NOLC1: variants seen among roughly 807,000 people sequenced by gnomAD.
NOLC1 encodes 140 kDa nucleolar phosphoprotein.
NOLC1 carries 37 observed loss-of-function variants against 73.4 expected under a neutral mutation model. That is an observed-to-expected ratio of 0.50 (90% CI 0.39 to 0.66). NOLC1 has a LOEUF of 0.66. Ranked by LOEUF, NOLC1 falls within the 30% of genes least tolerant of loss-of-function variation. The pLI, the probability that NOLC1 is intolerant of heterozygous loss-of-function variation, is 0.00. For missense variants in NOLC1, 921 were observed against 838.9 expected (o/e 1.10, Z -1.21); for synonymous variants, 327 against 302.6 (o/e 1.08, Z -0.84).
chr10:102,159,436 G>A lies in NOLC1; in HGVS notation c.727G>A (p.Val243Ile), dbSNP rs1460337282. 3.7e-6 allele frequency: 6 copies of A among 1,614,016 alleles called. No individual in the cohort carries two copies. The South Asian group carries it at 5.5e-5, about 15-fold the overall frequency. The stretch of plus-strand genomic sequence containing the variant: ...ATCAATTTTCTTTCTAATGCAGACT[G>A]TACCTAAAAAGCAAGTTGTGGCCAA... ...EKAAATPKKT[V>I]PKKQVVAKAP... Residue 243 changes from valine (V) to isoleucine (I), a missense_variant, in exon 7 of 13, where the codon GTA (valine) becomes ATA (isoleucine). Physicochemically the swap from Val to Ile is conservative, Grantham distance 29. Transcript: ENST00000605788.
chr10:102,157,350 G>T (rs372786430), intron 3 of NOLC1, 22 bp downstream of exon 3: 6 of 1,613,334 alleles, frequency 3.7e-6, no homozygotes, highest in Non-Finnish European at 5.1e-6. Context: ...TAGCAGGTGG[G>T]CTTGGTGGTG....
intron 6 of NOLC1, 31 bp from the exon 7 acceptor site, chr10:102,159,402 C>A: frequency 1.2e-6 from 2 of 1,613,874 alleles, no homozygotes; most frequent in Non-Finnish European, 1.7e-6. Flanking sequence ...TCAGCATTTT[C>A]CTGTGGTAAT....
At chr10:102,160,378 G>C in intron 9 of NOLC1, 35 bp downstream of exon 9, 1 of 1,613,082 alleles carries the variant, frequency 6.2e-7, no homozygotes, top group Non-Finnish European at 8.5e-7. Context: ...TCAGTGAGAT[G>C]CTCTCAGGCA....
rs373288971 is a variant in NOLC1 at position 102,157,451 on chromosome 10, G to T, written c.337G>T (p.Gly113Cys). ...KKAAVPAKRV[G>C]LPPGKAAAKA... ...TTCAGCTGTACCTGCCAAGCGAGTC[G>T]GTCTGCCTCCTGGGAAGGCTGCAGC... is the stretch of plus-strand genomic sequence containing the variant. Residue 113 changes from glycine to cysteine, a missense_variant, in exon 4 of 13, where the codon GGT (glycine) becomes TGT (cysteine). Physicochemically the swap from Gly to Cys is radical, Grantham distance 159. Transcript: ENST00000605788. 6 of 1,613,996 alleles carry T rather than the reference G, an allele frequency of 3.7e-6. No individual in the cohort carries two copies. Among genetic ancestry groups the T allele is most frequent in the East Asian group, 2.2e-5 (1 of 44,898 alleles).
chr10:102,161,557 T>C lies in NOLC1; in HGVS notation c.1743T>C (p.Gly581=). ...TGAGTCTGGCTTTTTGTTTTGTAGGTTCATTAAAGAAGCGGAAGCAGAATG... is the reference window on the plus strand; with the variant it reads ...TGAGTCTGGCTTTTTGTTTTGTAGGCTCATTAAAGAAGCGGAAGCAGAATG... ...KKAAVVVSKS[G]SLKKRKQNEA... is the part of the protein sequence containing the mutation. The change falls in exon 11 of 13, where the codon GGT becomes GGC. Residue 581 remains glycine (G), a splice_region_variant and synonymous_variant. Transcript: ENST00000605788. The C allele has an allele frequency of 6.2e-7, 1 of 1,612,758 alleles. No homozygotes were observed. The highest frequency in any genetic ancestry group is 8.5e-7 in the Non-Finnish European group (1 of 1,179,020).
In NOLC1 at chr10:102,157,285, C is replaced by T. The variant is rs147276029; in HGVS notation, c.273C>T (p.Ser91=). The change falls in exon 3 of 13, where the codon AGC becomes AGT. Residue 91 remains serine, a synonymous_variant. Transcript: ENST00000605788. ...KASSSDSEDS[S]EEEEEVQGPP... ...CATCCAGTGACAGTGAGGACAGCAG[C>T]GAGGAGGAGGAGGAAGTTCAAGGGC... The T allele has an allele frequency of 3.4e-4, 542 of 1,613,964 alleles. 2 individuals are homozygous for T. The African/African-American group carries it at 5.9e-3, about 18-fold the overall frequency.
At chr10:102,160,187 T>G (rs765328809) in intron 8 of NOLC1, 46 bp from the exon 9 acceptor site, 4 of 1,599,838 alleles carry the variant, frequency 2.5e-6, no homozygotes, top group Non-Finnish European at 3.4e-6. Context: ...CTGTCCTGGT[T>G]GGGTTGGGAC....
intron 9 of NOLC1, 26 bp from the exon 10 acceptor site, chr10:102,160,426 G>A (rs911362329): frequency 3.1e-6 from 5 of 1,612,206 alleles, no homozygotes; most frequent in East Asian, 2.2e-5. Context: ...TTGGGGAGCT[G>A]TTGATTCCAT....
chr10:102,160,081 A>C, intron 8 of NOLC1, 57 bp downstream of exon 8: 1 of 1,596,826 alleles, frequency 6.3e-7, no homozygotes, highest in South Asian at 1.1e-5. Flanking sequence ...GGGATGAGGA[A>C]TAAGGGAGAG....
intron 1 of NOLC1, among the ~76,000 whole-genome samples, chr10:102,153,339 A>G (rs1055252858): frequency 6.6e-6 from 1 of 152,234 alleles, no homozygotes; most frequent in Non-Finnish European, 1.5e-5. Flanking sequence ...GGATGCTCCA[A>G]ACACATGTAA....
Position 102,160,288 on chromosome 10 carries a change from A to C in NOLC1, c.1044A>C (p.Ala348=), listed in dbSNP as rs1306875708. 6.2e-7 allele frequency: 1 copy of C among 1,614,242 alleles called. No homozygotes were observed. Among genetic ancestry groups the C allele is most frequent in the East Asian group, 2.2e-5 (1 of 44,892 alleles). The change falls in exon 9 of 13, where the codon GCA becomes GCC. Residue 348 remains alanine, a synonymous_variant. Coordinates refer to ENST00000605788, the MANE Select transcript of NOLC1 (RefSeq NM_004741.5). ...KPPTKAVVSK[A]TTKPPPAKKA... ...CAACTAAGGCAGTAGTCTCTAAAGC[A>C]ACCACTAAACCACCTCCAGCAAAGA...
rs774328795 is a variant in NOLC1 at position 102,162,415 on chromosome 10, C to T, written c.*146C>T. 1 of 692,338 alleles carries T rather than the reference C, an allele frequency of 1.4e-6. No homozygotes were observed. Among genetic ancestry groups the T allele is most frequent in the Non-Finnish European group, 2.3e-6 (1 of 436,808 alleles). 42.9% of individuals were successfully genotyped at this position (692,338 alleles called of 1,614,324 possible). On this transcript the variant is annotated 3_prime_UTR_variant, in exon 13 of 13. Transcript: ENST00000605788. ...GTCCTAAGACTTTACAGTGTAACAT[C>T]CTCTCTGGTCCTTTTCTGTGTTCCT...
chr10:102,155,800 C>T (rs1269762300), intron 1 of NOLC1, among the ~76,000 whole-genome samples: 1 of 151,932 alleles, frequency 6.6e-6, no homozygotes, highest in Non-Finnish European at 1.5e-5. Flanking sequence ...CCTGAGCCAC[C>T]GTGCCTGGCC....
rs571944483 is a variant in NOLC1, at chr10:102,163,432, T to C, written c.*1163T>C. The C allele has an allele frequency of 1.3e-5, 2 of 152,324 alleles. No individual in the cohort carries two copies. The highest frequency in any genetic ancestry group is 4.1e-4 in the South Asian group (2 of 4,830). 9.4% of individuals were successfully genotyped at this position (152,324 alleles called of 1,614,324 possible). ...TAGGATTATTGTGTCTCCTAGTTGG[T>C]ACCTGGGAGCAATTGACATGCCCCC... is the stretch of plus-strand genomic sequence containing the variant. On this transcript the variant is annotated 3_prime_UTR_variant, in exon 13 of 13. Coordinates refer to ENST00000605788, the MANE Select transcript of NOLC1 (RefSeq NM_004741.5).
In NOLC1 at chr10:102,157,442, A is replaced by G; in HGVS notation, c.328A>G (p.Lys110Glu). Residue 110 changes from lysine (K) to glutamate (E), a missense_variant, in exon 4 of 13, where the codon AAG becomes GAG. Lys to Glu is a moderately conservative substitution (Grantham distance 56, BLOSUM62 1). Coordinates refer to ENST00000605788, the MANE Select transcript of NOLC1 (RefSeq NM_004741.5). ...GTGTGTTTGTTCAGCTGTACCTGCC[A>G]AGCGAGTCGGTCTGCCTCCTGGGAA... is the stretch of plus-strand genomic sequence containing the variant. ...PPAKKAAVPA[K>E]RVGLPPGKAA... 6.2e-7 allele frequency: 1 copy of G among 1,614,194 alleles called. No homozygotes were observed. Among genetic ancestry groups the G allele is most frequent in the Non-Finnish European group, 8.5e-7 (1 of 1,180,020 alleles).
At chr10:102,153,436 G>C (rs1273243119) in intron 1 of NOLC1, among the ~76,000 whole-genome samples, 2 of 152,192 alleles carry the variant, frequency 1.3e-5, no homozygotes, top group Admixed American at 6.5e-5. Flanking sequence ...GAGGAGAGAG[G>C]GGGGGTCTTC....
rs574897931 is a variant in NOLC1 at position 102,160,680 on chromosome 10, C to T, written c.1328C>T (p.Ala443Val). 5 of 1,614,154 alleles carry T rather than the reference C, an allele frequency of 3.1e-6. No individual in the cohort carries two copies. In the African/African-American group the frequency reaches 4.0e-5, roughly 13 times the overall value. ...GAGGAGAAGACAAAGAAGATGGTGG[C>T]CACCACTAAGCCCAAGGCGACTGCC... Reference protein sequence around the residue: ...SEEEKTKKMVATTKPKATAKA... With the variant: ...SEEEKTKKMVVTTKPKATAKA... Residue 443 changes from alanine to valine, a missense_variant, in exon 10 of 13, where the codon GCC becomes GTC. Coordinates refer to ENST00000605788, the MANE Select transcript of NOLC1 (RefSeq NM_004741.5).
chr10:102,162,146 T>C lies in NOLC1; in HGVS notation c.1977T>C (p.Asn659=). ...CCGGAGACTGGGGAGAGCGAGCCAA[T>C]CAGGTTTTGAAGTTCACCAAAGGCA... ...GAAGDWGERA[N]QVLKFTKGKS... is the part of the protein sequence containing the mutation. Residue 659 remains asparagine (N), a synonymous_variant, in exon 13 of 13, where the codon AAT becomes AAC. Transcript: ENST00000605788. 6.2e-7 allele frequency: 1 copy of C among 1,614,072 alleles called. No individual in the cohort carries two copies. Among genetic ancestry groups the C allele is most frequent in the Non-Finnish European group, 8.5e-7 (1 of 1,180,026 alleles).
At chr10:102,154,460 A>G (rs935078661) in intron 1 of NOLC1, among the ~76,000 whole-genome samples, 3 of 152,138 alleles carry the variant, frequency 2.0e-5, no homozygotes, top group South Asian at 4.1e-4. Flanking sequence ...AAAGAAAATA[A>G]TCTCAGGGAG....
Sources: gnomAD v4.1 joint callset for allele counts (sites outside exome capture counted in the v4.1 genomes callset) on GRCh38, gnomAD v4.1.1 for gene constraint, MANE v1.5 for transcripts, NCBI Gene and HGNC (gene_info 2026-07-23, HGNC 2026-07-21) for gene names.